The following CADPS2 variants were observed in gnomAD, a reference collection of about 807,000 sequenced individuals.
CADPS2 encodes calcium dependent secretion activator 2, also known as calcium-dependent secretion activator 2.
In CADPS2, 93 loss-of-function variants were observed where a neutral mutation model predicts 172.5. That is an observed-to-expected ratio of 0.54 (90% confidence interval 0.46 to 0.64). The LOEUF (loss-of-function observed/expected upper bound fraction) is 0.64, where lower values mean the gene tolerates loss of function less well. Ranked by LOEUF, CADPS2 falls within the 30% of genes least tolerant of loss-of-function variation. The pLI is 0.00. For missense variants in CADPS2, 1,420 were observed against 1,565.9 expected, an observed-to-expected ratio of 0.91 and a Z score of 1.57; for synonymous variants, 546 against 555.2, an observed-to-expected ratio of 0.98 and a Z score of 0.23.
chr7:122,864,865 T>C (rs1008391108), intron 1 of CADPS2, among the ~76,000 whole-genome samples: 1 of 152,156 alleles, frequency 6.6e-6, no homozygotes, highest in African/African-American at 2.4e-5. Context: ...ACATTGACAT[T>C]CCAGCCAGTA....
chr7:122,741,387 T>C lies in CADPS2; in HGVS notation c.340-4319A>G, dbSNP rs192064204. On this transcript the variant is annotated intron_variant, in intron 1 of 29. Coordinates refer to ENST00000449022, the MANE Select transcript of CADPS2 (RefSeq NM_017954.11). ...AAGAGATTTTTCAACATTAGCACTT[T>C]ATTCATTTTGAGTTTTCAAGTGAAA... 3.2e-3 allele frequency among the ~76,000 whole-genome samples: 488 copies of C among 152,278 alleles called. 2 individuals are homozygous for C. The highest frequency in any genetic ancestry group is 0.029 in the South Asian group (139 of 4,822).
chr7:122,442,866 C>T (rs1049670460), intron 15 of CADPS2, among the ~76,000 whole-genome samples: 6 of 152,064 alleles, frequency 3.9e-5, no homozygotes, highest in African/African-American at 7.2e-5. Flanking sequence ...CTACATACTC[C>T]GCTACTCTCC....
intron 8 of CADPS2, among the ~76,000 whole-genome samples, chr7:122,542,417 C>T (rs1341915569): frequency 2.0e-5 from 3 of 152,076 alleles, no homozygotes; most frequent in Non-Finnish European, 4.4e-5. Context: ...GGGTAAACAA[C>T]ACATGGTTTT....
At chr7:122,748,593 T>C (rs2092818903) in intron 1 of CADPS2, among the ~76,000 whole-genome samples, 1 of 152,096 alleles carries the variant, frequency 6.6e-6, no homozygotes, top group Non-Finnish European at 1.5e-5. Context: ...GAAGAAAATA[T>C]GACATAAAAT....
At chr7:122,607,946 C>T (rs1200874370) in intron 6 of CADPS2, among the ~76,000 whole-genome samples, 3 of 152,072 alleles carry the variant, frequency 2.0e-5, no homozygotes, top group Non-Finnish European at 4.4e-5. Flanking sequence ...TGGCTGACAG[C>T]GGTGGCTCAC....
At chr7:122,449,345 G>A (rs1248804476) in intron 15 of CADPS2, among the ~76,000 whole-genome samples, 1 of 151,998 alleles carries the variant, frequency 6.6e-6, no homozygotes, top group Non-Finnish European at 1.5e-5. Flanking sequence ...TTTTGAGACA[G>A]AGTGTTGTCA....
At chr7:122,346,139 G>A (rs985534517) in intron 27 of CADPS2, among the ~76,000 whole-genome samples, 2 of 152,046 alleles carry the variant, frequency 1.3e-5, no homozygotes, top group African/African-American at 4.8e-5. Context: ...GGCTGAGGCA[G>A]GTGGATCGCT....
chr7:122,762,459 T>A (rs971605176), intron 1 of CADPS2, among the ~76,000 whole-genome samples: 1 of 152,106 alleles, frequency 6.6e-6, no homozygotes, highest in South Asian at 2.1e-4. Flanking sequence ...AATACAAAGA[T>A]GAAGAATTAG....
intron 3 of CADPS2, among the ~76,000 whole-genome samples, chr7:122,637,773 T>G (rs1346473631): frequency 6.6e-6 from 1 of 152,192 alleles, no homozygotes; most frequent in Non-Finnish European, 1.5e-5. Context: ...CACTGATTCT[T>G]TTTCATGTGT....
At chr7:122,516,211 G>T (rs1384154902) in intron 8 of CADPS2, among the ~76,000 whole-genome samples, 3 of 152,068 alleles carry the variant, frequency 2.0e-5, no homozygotes, top group Non-Finnish European at 4.4e-5. Flanking sequence ...TGGTATGAAA[G>T]CAGTTTCTTA....
At chr7:122,684,595 T>C (rs190248902) in intron 2 of CADPS2, among the ~76,000 whole-genome samples, 38 of 152,282 alleles carry the variant, frequency 2.5e-4, no homozygotes, top group African/African-American at 8.2e-4. Context: ...TTTTATAAAA[T>C]ATTCCACAAT....
At chr7:122,761,263 T>C (rs548683972) in intron 1 of CADPS2, among the ~76,000 whole-genome samples, 1 of 152,096 alleles carries the variant, frequency 6.6e-6, no homozygotes, top group African/African-American at 2.4e-5. Context: ...CCATACACAA[T>C]GTTAAAAAGA....
At chr7:122,475,977 C>G (rs1373615556) in intron 12 of CADPS2, among the ~76,000 whole-genome samples, 5 of 152,046 alleles carry the variant, frequency 3.3e-5, no homozygotes, top group Non-Finnish European at 5.9e-5. Context: ...TACAATTGAA[C>G]TTCTTTTGCA....
intron 11 of CADPS2, among the ~76,000 whole-genome samples, chr7:122,483,594 TTC>T (rs2057516160): frequency 6.6e-6 from 1 of 152,104 alleles, no homozygotes; most frequent in Non-Finnish European, 1.5e-5. Context: ...CATAACATTT[TTC>T]TTTCACTTTT....
At chr7:122,534,343 A>G (rs1345247063) in intron 8 of CADPS2, among the ~76,000 whole-genome samples, 1 of 152,088 alleles carries the variant, frequency 6.6e-6, no homozygotes, top group Non-Finnish European at 1.5e-5. Flanking sequence ...TATCAAGACT[A>G]TTTCAACAAT....
chr7:122,378,581 T>A (rs1193490616), intron 25 of CADPS2, among the ~76,000 whole-genome samples: 1 of 152,150 alleles, frequency 6.6e-6, no homozygotes, highest in Non-Finnish European at 1.5e-5. Flanking sequence ...CGGTTTTACC[T>A]TTGCTTCTTG....
intron 1 of CADPS2, among the ~76,000 whole-genome samples, chr7:122,803,750 C>T (rs775782916): frequency 7.8e-4 from 118 of 152,216 alleles, no homozygotes; most frequent in Non-Finnish European, 1.2e-3. Context: ...AAGTACTTTG[C>T]AACTAAGCAT....
intron 2 of CADPS2, among the ~76,000 whole-genome samples, chr7:122,707,268 A>T (rs1392224314): frequency 6.6e-6 from 1 of 152,004 alleles, no homozygotes; most frequent in African/African-American, 2.4e-5. Context: ...ATCTAGGCAG[A>T]ATAAAAGAGT....
intron 1 of CADPS2, among the ~76,000 whole-genome samples, chr7:122,821,642 A>G (rs1803332278): frequency 1.3e-5 from 2 of 152,102 alleles, no homozygotes; most frequent in East Asian, 1.9e-4. Flanking sequence ...TCCCACCTCA[A>G]TACAGTCTGA....
Sources: allele counts gnomAD v4.1 joint callset (sites outside exome capture counted in the v4.1 genomes callset), GRCh38; gene constraint gnomAD v4.1.1; transcripts MANE v1.5; gene names NCBI Gene and HGNC (gene_info 2026-07-23, HGNC 2026-07-21).